Variants in UNC79 observed in about 807,000 individuals in gnomAD.
UNC79 encodes unc-79 subunit of NALCN channel complex.
A neutral mutation model predicts 283.1 loss-of-function variants in UNC79; 37 were observed. That is an observed-to-expected ratio of 0.13 (90% confidence interval 0.10 to 0.17). UNC79 has a LOEUF of 0.17. UNC79 is among the 10% of genes least tolerant of loss of function. UNC79 has a pLI of 1.00. For synonymous variants in UNC79, 1,107 were observed against 1,200.2 expected (o/e 0.92, Z 1.61); for missense variants, 2,272 against 3,211.1 (o/e 0.71, Z 7.07).
At chr14:93,655,464 T>C in intron 38 of UNC79, 57 bp downstream of exon 41, 4 of 1,584,558 alleles carry the variant, frequency 2.5e-6, no homozygotes, top group Non-Finnish European at 2.6e-6. Context: ...TCAGACCGTT[T>C]ATTTACAAGC....
At chr14:93,396,767 A>ATGTGTGTGTGTGTGTGTGTGTG (rs1413500764) in intron 1 of UNC79, among the ~76,000 whole-genome samples, 4 of 76,418 alleles carry the variant, frequency 5.2e-5, no homozygotes, top group South Asian at 4.0e-4. Context: ...TGCAAAGGGC[A>ATGTGTGTGTGTGTGTGTGTGTG]TGTGTGTGTA....
In UNC79 at chr14:93,474,133, A is replaced by G; in HGVS notation, c.188A>G (p.Asn63Ser). ...AAGAAGGAAAACCAAGATGCCTCCA[A>G]TTTGACAGTGCCCATGACCATGTGT... Residue 63 changes from asparagine (N) to serine (S), a missense_variant, in exon 3 of 49, where the codon AAT (asparagine) becomes AGT (serine). Physicochemically the swap from Asn to Ser is conservative, Grantham distance 46. Around this residue, in one of 11 missense-constraint regions of UNC79, gnomAD observed 194 missense variants for 268.9 expected, o/e 0.72. Coordinates refer to ENST00000555664, the Ensembl canonical transcript of UNC79. The surrounding 1 kb of genome is among the most constrained non-coding windows in gnomAD (Gnocchi z 4.1). The G allele has an allele frequency of 2.6e-6, 4 of 1,535,966 alleles. No individual in the cohort carries two copies. Among genetic ancestry groups the G allele is most frequent in the East Asian group, 2.4e-5 (1 of 40,908 alleles).
chr14:93,489,901 T>C (rs1179950422), intron 5 of UNC79, among the ~76,000 whole-genome samples: 1 of 152,204 alleles, frequency 6.6e-6, no homozygotes, highest in Non-Finnish European at 1.5e-5. Context: ...CCGGTGCCCA[T>C]GACTCTCTCA....
chr14:93,515,979 CA>C (rs2060035976), intron 7 of UNC79, among the ~76,000 whole-genome samples: 1 of 151,624 alleles, frequency 6.6e-6, no homozygotes, highest in African/African-American at 2.4e-5. Context: ...TAAGATTTTA[CA>C]TCTAAGTATA....
At chr14:93,572,493 T>C (rs2063262957) in intron 15 of UNC79, among the ~76,000 whole-genome samples, 200 bp from the exon 16 acceptor site, 1 of 152,244 alleles carries the variant, frequency 6.6e-6, no homozygotes, top group African/African-American at 2.4e-5. Context: ...AACAACCATA[T>C]GAATTATTTA....
intron 1 of UNC79, among the ~76,000 whole-genome samples, chr14:93,396,801 GTGTGTGTT>G (rs1169408667): frequency 6.6e-6 from 1 of 151,862 alleles, no homozygotes; most frequent in Non-Finnish European, 1.5e-5. Context: ...GTGTGTGTGT[GTGTGTGTT>G]GTGGCATGCT....
chr14:93,493,061 A>G (rs569859768), intron 5 of UNC79, among the ~76,000 whole-genome samples: 1 of 152,330 alleles, frequency 6.6e-6, no homozygotes, highest in East Asian at 1.9e-4. Flanking sequence ...CAAGTGCTTC[A>G]AGTATGTTAT....
intron 32 of UNC79, among the ~76,000 whole-genome samples, chr14:93,638,127 G>C (rs1413550776): frequency 6.6e-6 from 1 of 152,142 alleles, no homozygotes; most frequent in Non-Finnish European, 1.5e-5. Context: ...ACCTATCATT[G>C]GTAGAAAAGC....
chr14:93,528,528 G>T (rs1457975245), intron 8 of UNC79, 30 bp from the exon 9 acceptor site: 2 of 1,599,180 alleles, frequency 1.3e-6, no homozygotes, highest in Non-Finnish European at 1.7e-6. Context: ...AGGAACAGGA[G>T]AGTTCATTCT....
In UNC79 at chr14:93,531,208, A is replaced by G. The variant is rs2141059688; in HGVS notation, c.1094-1342A>G. Reference sequence around the variant, plus strand: ...TGTGACACTAACCTCAGATGATTTAAGATAAACTCTAGGATATCAAACTGT... The same window carrying G: ...TGTGACACTAACCTCAGATGATTTAGGATAAACTCTAGGATATCAAACTGT... On this transcript the variant is annotated intron_variant, in intron 10 of 48. Transcript: ENST00000555664. This position sits in a 1 kb window ranked among gnomAD's most constrained non-coding sequence, Gnocchi z 4.2. Among the ~76,000 whole-genome samples the G allele has an allele frequency of 6.6e-6, 1 of 152,356 alleles. No individual in the cohort carries two copies. The highest frequency in any genetic ancestry group is 2.1e-4 in the South Asian group (1 of 4,830).
chr14:93,598,974 G>A (rs191890380), intron 24 of UNC79, among the ~76,000 whole-genome samples: 49 of 152,320 alleles, frequency 3.2e-4, no homozygotes, highest in Non-Finnish European at 5.3e-4. Flanking sequence ...TTTTAGTGGA[G>A]ACACCAAGTC....
intron 32 of UNC79, 48 bp downstream of exon 35, chr14:93,637,347 G>T: frequency 6.2e-7 from 1 of 1,603,494 alleles, no homozygotes; most frequent in Non-Finnish European, 8.5e-7. Flanking sequence ...AAGGAGACTG[G>T]ACATGTCCAT....
At chr14:93,612,437 C>A (rs549550011) in intron 26 of UNC79, among the ~76,000 whole-genome samples, 3 of 152,302 alleles carry the variant, frequency 2.0e-5, no homozygotes, top group African/African-American at 7.2e-5. Flanking sequence ...GGAAGGGAAA[C>A]TTCCTTTATC....
chr14:93,541,024 T>C (rs1195023090), intron 13 of UNC79, among the ~76,000 whole-genome samples, 193 bp downstream of exon 13: 4 of 152,202 alleles, frequency 2.6e-5, no homozygotes, highest in Non-Finnish European at 5.9e-5. Context: ...TTTTAAAAAC[T>C]AACAATGCCC....
At chr14:93,421,923 A>T (rs1004561176) in intron 1 of UNC79, among the ~76,000 whole-genome samples, 2 of 151,876 alleles carry the variant, frequency 1.3e-5, no homozygotes, top group African/African-American at 4.8e-5. Flanking sequence ...GATCATTTCA[A>T]TTCATGCTGA....
In UNC79 at chr14:93,348,152, C is replaced by T. The variant is rs776692310; in HGVS notation, c.-351+14629C>T. The T allele has an allele frequency of 5.2e-6, 7 of 1,346,068 alleles. No individual in the cohort carries two copies. In the East Asian group the frequency reaches 1.4e-4, roughly 27 times the overall value. The allele number at this position is 1,346,068 out of a possible 1,614,324, so 83.4% of individuals were successfully genotyped here. On this transcript the variant is annotated intron_variant, in intron 1 of 49. Coordinates refer to the UNC79 transcript ENST00000256339. ...GATGATGTTGAACAGCTGTTAACGTCCAAAAAACTTTCAGAAAAAGCTGTG... is the reference window on the plus strand; with the variant it reads ...GATGATGTTGAACAGCTGTTAACGTTCAAAAAACTTTCAGAAAAAGCTGTG...
chr14:93,700,796 A>G (rs111403599), intron 47 of UNC79, among the ~76,000 whole-genome samples: 2 of 152,198 alleles, frequency 1.3e-5, no homozygotes, highest in Non-Finnish European at 2.9e-5. Context: ...CAGTACTCTC[A>G]TGATGTTCTA....
Position 93,600,787 on chromosome 14 carries a change from A to G in UNC79, c.3574+17A>G. On this transcript the variant is annotated intron_variant, in intron 25 of 48. Transcript: ENST00000555664. ...TTCCTACAAGTAAGTAAAATGAAGA[A>G]CTTGCTGTAAACCGTTGCAGTTCCC... 6.2e-7 allele frequency: 1 copy of G among 1,609,154 alleles called. No individual in the cohort carries two copies. Among genetic ancestry groups the G allele is most frequent in the East Asian group, 2.2e-5 (1 of 44,712 alleles).
chr14:93,487,197 T>C (rs924982944), intron 4 of UNC79, among the ~76,000 whole-genome samples: 2 of 152,216 alleles, frequency 1.3e-5, no homozygotes, highest in Non-Finnish European at 2.9e-5. Context: ...ACTAAATTAA[T>C]GTTATACATT....
Sources: gnomAD v4.1 joint callset for allele counts (sites outside exome capture counted in the v4.1 genomes callset) on GRCh38, gnomAD v4.1.1 for gene constraint, gnomAD v4.1.1 regional missense constraint, Gnocchi (gnomAD v3.1) non-coding constraint, MANE v1.5 for transcripts, NCBI Gene and HGNC (gene_info 2026-07-23, HGNC 2026-07-21) for gene names.